The following SMAD4 variants were observed in gnomAD, a reference collection of about 807,000 sequenced individuals.
The protein encoded by SMAD4 is SMAD family member 4, also known as MAD homolog 4.
In SMAD4, 7 loss-of-function variants were observed where a neutral mutation model predicts 63.2. The ratio of observed to expected loss-of-function variants is 0.11; its 90% CI spans 0.06 to 0.21. The LOEUF (loss-of-function observed/expected upper bound fraction) is 0.21, where lower values mean the gene tolerates loss of function less well. SMAD4 is among the 10% of genes least tolerant of loss of function. The pLI is 1.00. For synonymous variants in SMAD4, 215 were observed against 235.4 expected, an observed-to-expected ratio of 0.91 and a Z score of 0.79; for missense variants, 312 against 693.8, an observed-to-expected ratio of 0.45 and a Z score of 6.18.
chr18:51,057,975 T>A (rs563591077), intron 5 of SMAD4, 150 bp from the exon 6 acceptor site: 1 of 885,224 alleles, frequency 1.1e-6, no homozygotes, highest in Admixed American at 2.1e-5. Context: ...TGACTGTAGG[T>A]TTTTTACCTG....
At chr18:51,041,943 C>T (rs58874111) in intron 1 of SMAD4, among the ~76,000 whole-genome samples, 3,952 of 152,244 alleles carry the variant, frequency 0.026, 68 homozygotes, top group Middle Eastern at 0.054. Context: ...TCCATGCTCC[C>T]TCATTTATAG....
chr18:51,041,962 C>G (rs1237211636), intron 1 of SMAD4, among the ~76,000 whole-genome samples: 4 of 152,176 alleles, frequency 2.6e-5, no homozygotes, highest in African/African-American at 9.7e-5. Context: ...AGTCCCAAAT[C>G]ACTTTATACC....
At chr18:51,078,171 C>A in intron 11 of SMAD4, 85 bp from the exon 12 acceptor site, 1 of 1,109,984 alleles carries the variant, frequency 9.0e-7, no homozygotes, top group Non-Finnish European at 1.4e-6. Flanking sequence ...ATACAGAAAG[C>A]TGGTCACTTG....
Position 51,082,212 on chromosome 18 carries a change from T to G in SMAD4, c.*3745T>G. ...TAGGTGGGGTACACTCAGCTTAAAG[T>G]AATGCATTTTTTTTTCCCGTAAAGG... On this transcript the variant is annotated 3_prime_UTR_variant, in exon 12 of 12. Transcript: ENST00000342988. 2 of 230,006 alleles carry G rather than the reference T, an allele frequency of 8.7e-6. No individual in the cohort carries two copies. The allele number at this position is 230,006 out of a possible 1,614,324, so 14.2% of individuals were successfully genotyped here. A position where few individuals can be genotyped will look rare whatever the true frequency, so the allele number is the denominator to read the frequency against.
intron 2 of SMAD4, among the ~76,000 whole-genome samples, chr18:51,047,994 T>C (rs1031266593): frequency 6.6e-6 from 1 of 152,210 alleles, no homozygotes; most frequent in African/African-American, 2.4e-5. Flanking sequence ...TCTGATATGT[T>C]TCACTGTTAG....
At chr18:51,073,164 C>G (rs1001286255) in intron 10 of SMAD4, among the ~76,000 whole-genome samples, 1 of 151,602 alleles carries the variant, frequency 6.6e-6, no homozygotes, top group African/African-American at 2.4e-5. Flanking sequence ...GTAATATGTG[C>G]TGCTGATGTT....
chr18:51,031,751 T>TG (rs1909057930), intron 1 of SMAD4, among the ~76,000 whole-genome samples: 1 of 148,136 alleles, frequency 6.8e-6, no homozygotes, highest in African/African-American at 2.5e-5. Flanking sequence ...AAAAAAAAAA[T>TG]GCGTAATTTC....
rs777659974 is a variant in SMAD4 at position 51,082,593 on chromosome 18, T to C, written c.*4126T>C. On this transcript the variant is annotated 3_prime_UTR_variant, in exon 12 of 12. Coordinates refer to ENST00000342988, the MANE Select transcript of SMAD4 (RefSeq NM_005359.6). ...CTTTTTTTGGTGGAGTTATTTAATA[T>C]GTATATCAGAGGATATACTAGATGG... is the stretch of plus-strand genomic sequence containing the variant. 4.3e-6 allele frequency: 1 copy of C among 229,990 alleles called. No individual in the cohort carries two copies. Among genetic ancestry groups the C allele is most frequent in the Non-Finnish European group, 8.6e-6 (1 of 116,048 alleles). The allele number at this position is 229,990 out of a possible 1,614,324, so 14.2% of individuals were successfully genotyped here.
chr18:51,036,286 G>A (rs1156640976), intron 1 of SMAD4, among the ~76,000 whole-genome samples: 1 of 152,134 alleles, frequency 6.6e-6, no homozygotes, highest in Non-Finnish European at 1.5e-5. Flanking sequence ...ATGTTAATAT[G>A]GATGAATGTA....
chr18:51,039,953 C>T (rs954833632), intron 1 of SMAD4, among the ~76,000 whole-genome samples: 3 of 152,090 alleles, frequency 2.0e-5, no homozygotes, highest in Non-Finnish European at 2.9e-5. Context: ...CGCCAACTGC[C>T]CTCAGTTTGA....
chr18:51,056,391 T>G (rs1194998913), intron 5 of SMAD4, among the ~76,000 whole-genome samples: 1 of 152,144 alleles, frequency 6.6e-6, no homozygotes, highest in African/African-American at 2.4e-5. Context: ...ATGCAGCTAA[T>G]TTTATCCTGG....
At chr18:51,056,620 CA>C (rs74178610) in intron 5 of SMAD4, among the ~76,000 whole-genome samples, 17,699 of 60,278 alleles carry the variant, frequency 0.29, 727 homozygotes, top group East Asian at 0.4. Flanking sequence ...ACTCCATCTC[CA>C]AAAAAAAAAA....
intron 10 of SMAD4, among the ~76,000 whole-genome samples, chr18:51,067,632 C>T (rs776490262): frequency 7.2e-5 from 11 of 152,056 alleles, no homozygotes; most frequent in Non-Finnish European, 1.3e-4. Flanking sequence ...AGGCTGGTCT[C>T]GAACTCCTGA....
rs554002554 is a variant in SMAD4, at chr18:51,084,064, C to T, written c.*5597C>T. ...CACACAGGTCAGAGTTTAAGGCTTT[C>T]GAGTCATGACATTCTAGCTTTTGAA... On this transcript the variant is annotated 3_prime_UTR_variant, in exon 12 of 12. Transcript: ENST00000342988. 51 of 230,284 alleles carry T rather than the reference C, an allele frequency of 2.2e-4. No individual in the cohort carries two copies. The highest frequency in any genetic ancestry group is 9.6e-4 in the African/African-American group (43 of 44,874). The allele number at this position is 230,284 out of a possible 1,614,324, so 14.3% of individuals were successfully genotyped here.
rs933672523 is a variant in SMAD4 at position 51,078,836 on chromosome 18, T to C, written c.*369T>C. ...ATCATTCTACAGAATAATCCAGTAT[T>C]GCTGATTTTAAAGGCAGAGAAGTTC... is the stretch of plus-strand genomic sequence containing the variant. On this transcript the variant is annotated 3_prime_UTR_variant, in exon 12 of 12. Transcript: ENST00000342988. The C allele has an allele frequency of 2.3e-5, 6 of 255,946 alleles. No individual in the cohort carries two copies. The highest frequency in any genetic ancestry group is 4.5e-5 in the Non-Finnish European group (6 of 131,874). 15.9% of individuals were successfully genotyped at this position (255,946 alleles called of 1,614,324 possible). A position where few individuals can be genotyped will look rare whatever the true frequency, so the allele number is the denominator to read the frequency against.
intron 1 of SMAD4, among the ~76,000 whole-genome samples, chr18:51,037,645 A>T (rs190204474): frequency 6.6e-6 from 1 of 152,372 alleles, no homozygotes; most frequent in Admixed American, 6.5e-5. Flanking sequence ...TGCATAAAGC[A>T]TTTCTGCACA....
In SMAD4 at chr18:51,054,995, T is replaced by TCAGCCTGCCAGTATACTGGG. The variant is rs760777245; in HGVS notation, c.667+2_667+3insCAGCCTGCCAGTATACTGGG. The TCAGCCTGCCAGTATACTGGG allele has an allele frequency of 1.2e-6, 2 of 1,609,276 alleles. No individual in the cohort carries two copies. The highest frequency in any genetic ancestry group is 1.7e-6 in the Non-Finnish European group (2 of 1,175,586). The stretch of plus-strand genomic sequence containing the variant: ...CCAACATTCCTGTGGCTTCCACAAG[T>TCAGCCTGCCAGTATACTGGG]GAGTTCTAGAATCAGATGTAGTCAG... On this transcript the variant is annotated splice_region_variant and intron_variant, in intron 5 of 11. Transcript: ENST00000342988.
rs555056218 is a variant in SMAD4, at chr18:51,050,355, CA to C, written c.454+1044del. ...GCCTGGGCAACGAGCGAAACTGTCT[CA>C]AAAAAAAAAAAAGTGGGGGGAGGCT... On this transcript the variant is annotated intron_variant, in intron 4 of 11. Coordinates refer to ENST00000342988, the MANE Select transcript of SMAD4 (RefSeq NM_005359.6). Among the ~76,000 whole-genome samples, 999 of 117,236 alleles carry C rather than the reference CA, an allele frequency of 8.5e-3. 8 individuals carry two copies. The highest frequency in any genetic ancestry group is 0.024 in the African/African-American group (760 of 31,424). The allele number at this position is 117,236 out of a possible 152,430, so 76.9% of individuals were successfully genotyped here.
chr18:51,070,910 T>C (rs990784963), intron 10 of SMAD4, among the ~76,000 whole-genome samples: 1 of 152,174 alleles, frequency 6.6e-6, no homozygotes, highest in Non-Finnish European at 1.5e-5. Context: ...TGTTCTGTTT[T>C]ATTATTACCT....
Sources: allele counts gnomAD v4.1 joint callset (sites outside exome capture counted in the v4.1 genomes callset), GRCh38; gene constraint gnomAD v4.1.1; transcripts MANE v1.5; gene names NCBI Gene and HGNC (gene_info 2026-07-23, HGNC 2026-07-21).